MSI2: variants seen among roughly 807,000 people sequenced by gnomAD.
MSI2 encodes the protein musashi RNA binding protein 2.
Under a neutral mutation model 45.6 loss-of-function variants are expected in MSI2, and 17 were observed. The observed-to-expected ratio is 0.37, with a 90% CI of 0.26 to 0.56. The LOEUF (loss-of-function observed/expected upper bound fraction) is 0.56. Ranked by LOEUF, MSI2 falls within the 20% of genes least tolerant of loss-of-function variation. The pLI is 0.77. For synonymous variants in MSI2, 156 were observed against 158.2 expected (o/e 0.99, Z 0.11); for missense variants, 293 against 444.2 (o/e 0.66, Z 3.06).
intron 6 of MSI2, among the ~76,000 whole-genome samples, chr17:57,494,104 G>A (rs773388840): frequency 1.1e-4 from 16 of 152,112 alleles, no homozygotes; most frequent in Admixed American, 2.0e-4. Context: ...AGGCAGTGAG[G>A]GTTATTATGA....
intron 6 of MSI2, among the ~76,000 whole-genome samples, chr17:57,502,636 T>TATATATATATATATATATATATATATAG: frequency 9.8e-4 from 95 of 96,740 alleles, no homozygotes; most frequent in Middle Eastern, 6.0e-3. Flanking sequence ...TATATATATA[T>TATATATATATATATATATATATATATAG]AGTCATCATT....
chr17:57,396,837 T>C (rs936788079), intron 5 of MSI2, among the ~76,000 whole-genome samples: 1 of 152,174 alleles, frequency 6.6e-6, no homozygotes, highest in African/African-American at 2.4e-5. Flanking sequence ...ACCTCCTGCT[T>C]CCCAGAGTGA....
intron 6 of MSI2, among the ~76,000 whole-genome samples, chr17:57,506,099 C>A (rs1391928943): frequency 2.0e-5 from 3 of 152,216 alleles, no homozygotes; most frequent in Non-Finnish European, 2.9e-5. Flanking sequence ...GGACAGTGGG[C>A]AAACCTTAGA....
chr17:57,505,973 C>T (rs984959040), intron 6 of MSI2, among the ~76,000 whole-genome samples: 3 of 152,206 alleles, frequency 2.0e-5, no homozygotes, highest in African/African-American at 7.2e-5. Context: ...TGCTCAGGCT[C>T]TCCCTTCCTG....
At chr17:57,348,667 G>C (rs771988739) in intron 5 of MSI2, among the ~76,000 whole-genome samples, 1 of 152,096 alleles carries the variant, frequency 6.6e-6, no homozygotes, top group Non-Finnish European at 1.5e-5. Flanking sequence ...GCTGGAAGCC[G>C]TGCAGATGTG....
intron 13 of MSI2, 78 bp downstream of exon 13, chr17:57,677,137 G>A (rs1913288712): frequency 2.1e-6 from 2 of 971,738 alleles, no homozygotes; most frequent in Admixed American, 1.7e-5. Context: ...ACATGCACGT[G>A]CGTGCCCCTG....
At chr17:57,474,063 G>A (rs930557456) in intron 6 of MSI2, among the ~76,000 whole-genome samples, 6 of 152,100 alleles carry the variant, frequency 3.9e-5, no homozygotes, top group Non-Finnish European at 7.4e-5. Flanking sequence ...AGTTCAGGAC[G>A]GAGGCAGATG....
Position 57,529,509 on chromosome 17 carries a change from C to T in MSI2, c.406-167C>T, listed in dbSNP as rs2086776526. On this transcript the variant is annotated intron_variant, in intron 6 of 13. Coordinates refer to ENST00000284073, the MANE Select transcript of MSI2 (RefSeq NM_138962.4). The surrounding 1 kb of genome is among the most constrained non-coding windows in gnomAD (Gnocchi z 5.3). ...TATACAACGGTGTGGAGTGGAAAGA[C>T]CACTGTTTTTTTTTCTTTCTACTTT... is the stretch of plus-strand genomic sequence containing the variant. Among the ~76,000 whole-genome samples, 1 of 85,258 alleles carries T rather than the reference C, an allele frequency of 1.2e-5. No individual in the cohort carries two copies. The highest frequency in any genetic ancestry group is 9.5e-5 in the Admixed American group (1 of 10,516). 55.9% of individuals were successfully genotyped at this position (85,258 alleles called of 152,430 possible).
intron 5 of MSI2, among the ~76,000 whole-genome samples, chr17:57,385,772 G>A (rs562809226): frequency 6.6e-6 from 1 of 152,316 alleles, no homozygotes; most frequent in South Asian, 2.1e-4. Flanking sequence ...TTCCCTGACT[G>A]GTCTGACTTC....
intron 6 of MSI2, among the ~76,000 whole-genome samples, chr17:57,512,378 C>T (rs1023971550): frequency 6.6e-6 from 1 of 152,148 alleles, no homozygotes; most frequent in Admixed American, 6.5e-5. Context: ...GCTCATTCAG[C>T]CCAGTTGTTA....
intron 5 of MSI2, among the ~76,000 whole-genome samples, chr17:57,311,144 G>A (rs1401639982): frequency 6.6e-6 from 1 of 152,166 alleles, no homozygotes; most frequent in African/African-American, 2.4e-5. Flanking sequence ...TTGGGCTTTC[G>A]GGTCCATCCC....
intron 11 of MSI2, among the ~76,000 whole-genome samples, chr17:57,666,441 C>T (rs1912374528): frequency 6.6e-6 from 1 of 152,250 alleles, no homozygotes; most frequent in Non-Finnish European, 1.5e-5. Flanking sequence ...TCCAGCCTCA[C>T]ACCTGCAGAA....
At chr17:57,700,073 C>T in the MSI2 span, among the ~76,000 whole-genome samples, 3 of 152,240 alleles carry the variant, frequency 2.0e-5, no homozygotes, top group Admixed American at 6.5e-5. Flanking sequence ...CTCACTATGT[C>T]GGCAAACGTT....
At chr17:57,544,219 A>G (rs2087114831) in intron 7 of MSI2, among the ~76,000 whole-genome samples, 2 of 152,180 alleles carry the variant, frequency 1.3e-5, no homozygotes, top group Non-Finnish European at 2.9e-5. Flanking sequence ...AAAACGCTAT[A>G]AAGGATCAAA....
At chr17:57,666,947 G>A (rs1233178316) in intron 11 of MSI2, among the ~76,000 whole-genome samples, 7 of 152,212 alleles carry the variant, frequency 4.6e-5, no homozygotes. Context: ...GGAGAAACTT[G>A]GAGCCACCAA....
intron 9 of MSI2, among the ~76,000 whole-genome samples, chr17:57,623,281 C>T (rs1459141917): frequency 6.6e-6 from 1 of 152,126 alleles, no homozygotes; most frequent in East Asian, 1.9e-4. Context: ...GGATAAACAG[C>T]CCTGTCTCTT....
intron 5 of MSI2, among the ~76,000 whole-genome samples, chr17:57,357,258 A>G (rs756627530): frequency 3.3e-5 from 5 of 152,096 alleles, no homozygotes; most frequent in Non-Finnish European, 1.5e-5. Context: ...TGCAGCTCCT[A>G]CTTCTGAACT....
chr17:57,328,108 G>A (rs2143710084), intron 5 of MSI2, among the ~76,000 whole-genome samples: 1 of 152,204 alleles, frequency 6.6e-6, no homozygotes, highest in Middle Eastern at 3.4e-3. Context: ...TGTTCTAATA[G>A]CAAAATAACC....
chr17:57,469,972 T>C (rs2085402784), intron 6 of MSI2, among the ~76,000 whole-genome samples: 1 of 152,202 alleles, frequency 6.6e-6, no homozygotes. Context: ...TGCCTCACGC[T>C]CTTTTCCCAG....
Sources: allele counts gnomAD v4.1 joint callset (sites outside exome capture counted in the v4.1 genomes callset), GRCh38; gene constraint gnomAD v4.1.1; non-coding constraint Gnocchi (gnomAD v3.1); transcripts MANE v1.5; gene names NCBI Gene and HGNC (gene_info 2026-07-23, HGNC 2026-07-21).